Variants in PSKH1 observed in about 807,000 individuals in gnomAD.
PSKH1 encodes the protein serine/threonine-protein kinase H1.
A neutral mutation model predicts 26.7 loss-of-function variants in PSKH1; 12 were observed. The ratio of observed to expected loss-of-function variants is 0.45; its 90% CI spans 0.29 to 0.73. The LOEUF (loss-of-function observed/expected upper bound fraction) is 0.73. Ranked by LOEUF, PSKH1 falls within the 30% of genes least tolerant of loss-of-function variation. PSKH1 has a pLI of 0.11. For synonymous variants in PSKH1, 213 were observed against 234.3 expected (o/e 0.91, Z 0.83); for missense variants, 431 against 595.2 (o/e 0.72, Z 2.87).
At chr16:67,896,748 G>T (rs777821026) in intron 1 of PSKH1, among the ~76,000 whole-genome samples, 1 of 152,040 alleles carries the variant, frequency 6.6e-6, no homozygotes, top group Non-Finnish European at 1.5e-5. Flanking sequence ...TCACTAGAGG[G>T]TGGGTTTGCT....
At chr16:67,904,263 G>A (rs774518235) in intron 1 of PSKH1, among the ~76,000 whole-genome samples, 1 of 151,890 alleles carries the variant, frequency 6.6e-6, no homozygotes, top group African/African-American at 2.4e-5. Context: ...GTGCAGTGGC[G>A]CGATCTTGGT....
In PSKH1 at chr16:67,928,350, C is replaced by G. The variant is rs1268149178; in HGVS notation, c.*708C>G. 6.5e-6 allele frequency: 1 copy of G among 152,856 alleles called. No homozygotes were observed. The highest frequency in any genetic ancestry group is 2.4e-5 in the African/African-American group (1 of 41,462). 9.5% of individuals were successfully genotyped at this position (152,856 alleles called of 1,614,324 possible). On this transcript the variant is annotated 3_prime_UTR_variant, in exon 3 of 3. Transcript: ENST00000291041. This position sits in a 1 kb window ranked among gnomAD's most constrained non-coding sequence, Gnocchi z 4.8. ...GGTCATCGGCTTGCCCAGGCTCCAG[C>G]CTCTCCAGATTCTGAGGGGTCTCAG...
At position 67,909,195 on chromosome 16, in the gene PSKH1, G is replaced by T. The variant is rs1306879769; in HGVS notation, c.446G>T (p.Arg149Leu). The T allele has an allele frequency of 6.2e-7, 1 of 1,613,992 alleles. No individual in the cohort carries two copies. Among genetic ancestry groups the T allele is most frequent in the Non-Finnish European group, 8.5e-7 (1 of 1,180,046 alleles). Residue 149 changes from arginine to leucine, a missense_variant, in exon 2 of 3, where the codon CGG (arginine) becomes CTG (leucine). Physicochemically the swap from Arg to Leu is moderately radical, Grantham distance 102 (BLOSUM62 -2). Coordinates refer to ENST00000291041, the MANE Select transcript of PSKH1 (RefSeq NM_006742.3). The surrounding 1 kb of genome is among the most constrained non-coding windows in gnomAD (Gnocchi z 7.8). ...GAGTCGGAGCTGCGTGTGCTGCGTC[G>T]GGTGCGTCATGCCAACATCATCCAG... is the stretch of plus-strand genomic sequence containing the variant. ...VCESELRVLR[R>L]VRHANIIQLV...
intron 2 of PSKH1, among the ~76,000 whole-genome samples, chr16:67,918,403 C>T (rs2058193412): frequency 6.6e-6 from 1 of 151,894 alleles, no homozygotes; most frequent in African/African-American, 2.4e-5. Context: ...CTTGTGAGTG[C>T]TGCTGGGCAG....
At chr16:67,898,298 C>CG in intron 1 of PSKH1, among the ~76,000 whole-genome samples, 2 of 151,938 alleles carry the variant, frequency 1.3e-5, no homozygotes, top group Middle Eastern at 3.4e-3. Context: ...CCTAGGTACT[C>CG]GGGGGCTGAG....
At chr16:67,897,209 A>T (rs78572164) in intron 1 of PSKH1, among the ~76,000 whole-genome samples, 15,736 of 152,220 alleles carry the variant, frequency 0.1, 1,087 homozygotes, top group Non-Finnish European at 0.16. Context: ...ATGGGGAAAA[A>T]TTTTTGAGAA....
At chr16:67,894,022 A>AATGCCTT (rs1225765138) in intron 1 of PSKH1, among the ~76,000 whole-genome samples, 1 of 152,240 alleles carries the variant, frequency 6.6e-6, no homozygotes, top group Non-Finnish European at 1.5e-5. Flanking sequence ...TTAGCAAGGC[A>AATGCCTT]TTCAGGGCTC....
intron 1 of PSKH1, among the ~76,000 whole-genome samples, chr16:67,901,574 C>T (rs1156772470): frequency 6.6e-6 from 1 of 151,408 alleles, no homozygotes; most frequent in African/African-American, 2.4e-5. Context: ...CTCAGGCAAT[C>T]CACCTGCCTT....
intron 2 of PSKH1, among the ~76,000 whole-genome samples, chr16:67,923,461 G>A (rs2058208486): frequency 6.6e-6 from 1 of 152,164 alleles, no homozygotes. Flanking sequence ...TGGGATTAGA[G>A]GTGTGAGCCA....
chr16:67,904,730 C>T (rs2151311348), intron 1 of PSKH1, among the ~76,000 whole-genome samples: 1 of 152,270 alleles, frequency 6.6e-6, no homozygotes, highest in South Asian at 2.1e-4. Flanking sequence ...TATCCCCCCA[C>T]CTCAGCCTCC....
At chr16:67,896,849 T>C (rs149068261) in intron 1 of PSKH1, among the ~76,000 whole-genome samples, 1 of 152,312 alleles carries the variant, frequency 6.6e-6, no homozygotes, top group East Asian at 1.9e-4. Flanking sequence ...AGGAAACCTG[T>C]TTGCATCTGA....
Position 67,908,938 on chromosome 16 carries a change from C to G in PSKH1, c.189C>G (p.Pro63=), listed in dbSNP as rs748206068. Reference sequence around the variant, plus strand: ...CAAGTCAGTATGCACACCCCTGCCCCGGTCCCCCGACTGCTGGCCACACGG... The same window carrying G: ...CAAGTCAGTATGCACACCCCTGCCCGGGTCCCCCGACTGCTGGCCACACGG... ...PAASQYAHPC[P]GPPTAGHTEP... The change falls in exon 2 of 3, where the codon CCC becomes CCG. Residue 63 remains proline (P), a synonymous_variant. Coordinates refer to ENST00000291041, the MANE Select transcript of PSKH1 (RefSeq NM_006742.3). The G allele has an allele frequency of 4.3e-6, 7 of 1,613,780 alleles. No homozygotes were observed. In the Admixed American group the frequency reaches 1.0e-4, roughly 23 times the overall value.
intron 2 of PSKH1, among the ~76,000 whole-genome samples, chr16:67,914,912 T>G (rs1165601199): frequency 1.3e-5 from 2 of 152,156 alleles, no homozygotes; most frequent in Non-Finnish European, 1.5e-5. Flanking sequence ...CAAGATACGC[T>G]GACAGAGGAA....
intron 1 of PSKH1, among the ~76,000 whole-genome samples, chr16:67,902,351 A>G (rs1399640316): frequency 6.6e-6 from 1 of 151,952 alleles, no homozygotes; most frequent in Non-Finnish European, 1.5e-5. Context: ...CCCAGGCTGG[A>G]GTACAGTGGT....
intron 1 of PSKH1, among the ~76,000 whole-genome samples, chr16:67,907,004 C>G (rs568803699): frequency 2.6e-5 from 4 of 151,990 alleles, no homozygotes; most frequent in Non-Finnish European, 5.9e-5. Context: ...CACTCTGTTG[C>G]CCAGGCTGGA....
intron 1 of PSKH1, among the ~76,000 whole-genome samples, chr16:67,899,328 C>A (rs1030432070): frequency 1.3e-5 from 2 of 150,974 alleles, no homozygotes; most frequent in Non-Finnish European, 2.9e-5. Flanking sequence ...AGAGCCAGAC[C>A]ACATTTTTTT....
At chr16:67,904,447 G>C (rs1005395805) in intron 1 of PSKH1, among the ~76,000 whole-genome samples, 1 of 151,676 alleles carries the variant, frequency 6.6e-6, no homozygotes, top group Non-Finnish European at 1.5e-5. Flanking sequence ...CTTGTGATCC[G>C]CCCACCTCGG....
chr16:67,917,776 G>T (rs2058191476), intron 2 of PSKH1, among the ~76,000 whole-genome samples: 1 of 152,196 alleles, frequency 6.6e-6, no homozygotes, highest in Admixed American at 6.5e-5. Flanking sequence ...AAAGGCCCAG[G>T]GCTGGTGTGT....
chr16:67,909,413 G>A lies in PSKH1; in HGVS notation c.664G>A (p.Glu222Lys). 6.2e-7 allele frequency: 1 copy of A among 1,613,672 alleles called. No individual in the cohort carries two copies. The highest frequency in any genetic ancestry group is 2.2e-5 in the East Asian group (1 of 44,874). ...CATCACACACCGAGACCTCAAACCT[G>A]AGAATCTGCTCTACTACCATCCGGG... ...LGITHRDLKPENLLYYHPGTD... is the reference protein window; with the variant it reads ...LGITHRDLKPKNLLYYHPGTD... Residue 222 changes from glutamate to lysine, a missense_variant, in exon 2 of 3, where the codon GAG (glutamate) becomes AAG (lysine). Coordinates refer to ENST00000291041, the MANE Select transcript of PSKH1 (RefSeq NM_006742.3). This position sits in a 1 kb window ranked among gnomAD's most constrained non-coding sequence, Gnocchi z 7.8.
Sources: gnomAD v4.1 joint callset for allele counts (sites outside exome capture counted in the v4.1 genomes callset) on GRCh38, gnomAD v4.1.1 for gene constraint, Gnocchi (gnomAD v3.1) non-coding constraint, MANE v1.5 for transcripts, NCBI Gene and HGNC (gene_info 2026-07-23, HGNC 2026-07-21) for gene names.